METAP1D: variants seen among roughly 807,000 people sequenced by gnomAD.
METAP1D encodes the protein methionyl aminopeptidase type 1D, mitochondrial.
METAP1D carries 31 observed loss-of-function variants against 40.5 expected under a neutral mutation model. That is an observed-to-expected ratio of 0.77 (90% confidence interval 0.58 to 1.03). The LOEUF is 1.03. Ranked by LOEUF, METAP1D falls within the 50% of genes least tolerant of loss-of-function variation. The probability of loss-of-function intolerance (pLI) is 0.00; values close to 1 mark genes in which losing one functional copy is unlikely to be tolerated. For synonymous variants in METAP1D, 151 were observed against 146.4 expected (o/e 1.03, Z -0.22); for missense variants, 411 against 420.7 (o/e 0.98, Z 0.20).
At chr2:172,035,366 G>A (rs1489256719) in intron 1 of METAP1D, among the ~76,000 whole-genome samples, 1 of 151,976 alleles carries the variant, frequency 6.6e-6, no homozygotes, top group East Asian at 1.9e-4. Flanking sequence ...GGGTTTCACC[G>A]TATTAGCCAG....
chr2:172,033,712 A>G (rs1689296265), intron 1 of METAP1D, among the ~76,000 whole-genome samples: 1 of 152,128 alleles, frequency 6.6e-6, no homozygotes, highest in Admixed American at 6.6e-5. Flanking sequence ...AAAGGCTGAT[A>G]AAATATTTGA....
chr2:172,007,038 T>C (rs539208961), intron 1 of METAP1D, among the ~76,000 whole-genome samples: 1 of 152,328 alleles, frequency 6.6e-6, no homozygotes, highest in Non-Finnish European at 1.5e-5. Flanking sequence ...CATACATATT[T>C]ATAACAGCTT....
At position 172,035,506 on chromosome 2, in the gene METAP1D, C is replaced by T. The variant is rs1226298390; in HGVS notation, c.41-25992C>T. On this transcript the variant is annotated intron_variant, in intron 1 of 9. Transcript: ENST00000315796. The stretch of plus-strand genomic sequence containing the variant: ...AGAAAAATCAGAATATCACCAGCAC[C>T]TCAGAAAACCTCTGCATGCTTCTTC... Among the ~76,000 whole-genome samples the T allele has an allele frequency of 3.3e-5, 5 of 152,072 alleles. No homozygotes were observed. In the South Asian group the frequency reaches 1.0e-3, roughly 32 times the overall value.
intron 1 of METAP1D, among the ~76,000 whole-genome samples, chr2:172,045,699 A>ATGTGTGTG (rs796722451): frequency 0.19 from 15,909 of 81,988 alleles, 2,045 homozygotes; most frequent in Non-Finnish European, 0.23. Flanking sequence ...ATTCATATAT[A>ATGTGTGTG]TGTGTGTGTG....
intron 1 of METAP1D, among the ~76,000 whole-genome samples, chr2:172,012,548 C>T (rs773553693): frequency 1.3e-5 from 2 of 152,150 alleles, no homozygotes; most frequent in East Asian, 1.9e-4. Flanking sequence ...TCTAACTTAA[C>T]GGAAGGAGAT....
At chr2:172,032,917 A>G (rs1020545581) in intron 1 of METAP1D, among the ~76,000 whole-genome samples, 2 of 151,944 alleles carry the variant, frequency 1.3e-5, no homozygotes, top group African/African-American at 4.8e-5. Context: ...AAATTAGCTG[A>G]GCCTGGTGGC....
In METAP1D at chr2:172,077,787, A is replaced by T. The variant is rs1458158011; in HGVS notation, c.705-10A>T. ...TAATTTAATTAAATATTTTTTGGTC[A>T]CTTTTAAAGCCACATAACTCATCAG... On this transcript the variant is annotated splice_polypyrimidine_tract_variant and intron_variant, in intron 6 of 9. Coordinates refer to ENST00000315796, the MANE Select transcript of METAP1D (RefSeq NM_199227.3). 4 of 1,471,110 alleles carry T rather than the reference A, an allele frequency of 2.7e-6. No individual in the cohort carries two copies. The highest frequency in any genetic ancestry group is 4.1e-5 in the Admixed American group (2 of 48,702). 91.1% of individuals were successfully genotyped at this position (1,471,110 alleles called of 1,614,324 possible). A position where few individuals can be genotyped will look rare whatever the true frequency, so the allele number is the denominator to read the frequency against.
chr2:172,061,608 A>C lies in METAP1D; in HGVS notation c.151A>C (p.Ser51Arg). ...FFRRQRDISH[S>R]IVLPAAVSSA... ...TCGGAGACAAAGAGATATTTCACAC[A>C]GTATAGTTTTGCCGGCTGCAGTTTC... The change falls in exon 2 of 10, where the codon AGT becomes CGT. Residue 51 changes from serine (S) to arginine (R), a missense_variant. By Grantham distance (110) the Ser-to-Arg change is moderately radical (BLOSUM62 -1). Coordinates refer to ENST00000315796, the MANE Select transcript of METAP1D (RefSeq NM_199227.3). 6.2e-7 allele frequency: 1 copy of C among 1,613,732 alleles called. No individual in the cohort carries two copies. The highest frequency in any genetic ancestry group is 8.5e-7 in the Non-Finnish European group (1 of 1,179,852).
Position 172,065,660 on chromosome 2 carries a change from T to C in METAP1D, c.405T>C (p.His135=). 6.2e-7 allele frequency: 1 copy of C among 1,614,008 alleles called. No homozygotes were observed. The change falls in exon 4 of 10, where the codon CAT becomes CAC. Residue 135 remains histidine (H), a synonymous_variant. Transcript: ENST00000315796. Reference sequence around the variant, plus strand: ...TTGTTCATCGGGAAATCATCAGTCATAATGCCTATCCCTCACCTCTAGGCT... The same window carrying C: ...TTGTTCATCGGGAAATCATCAGTCACAATGCCTATCCCTCACCTCTAGGCT... ...DALVHREIIS[H]NAYPSPLGYG...
intron 1 of METAP1D, among the ~76,000 whole-genome samples, chr2:172,030,319 C>T (rs147214071): frequency 0.011 from 1,708 of 151,936 alleles, 38 homozygotes; most frequent in African/African-American, 0.039. Flanking sequence ...CTCGAACTCC[C>T]GATCTCAGGT....
At position 172,080,113 on chromosome 2, in the gene METAP1D, T is replaced by C; in HGVS notation, c.851-15T>C. 6.2e-7 allele frequency: 1 copy of C among 1,608,356 alleles called. No individual in the cohort carries two copies. Among genetic ancestry groups the C allele is most frequent in the Non-Finnish European group, 8.5e-7 (1 of 1,175,544 alleles). On this transcript the variant is annotated splice_polypyrimidine_tract_variant and intron_variant, in intron 8 of 9. Transcript: ENST00000315796. ...TCTGATGAGGTCACTGCAGTAAATA[T>C]TTTTCCTCTTACAGAGCCAATCATC... is the stretch of plus-strand genomic sequence containing the variant.
At chr2:172,044,404 C>CAAAAA (rs782088377) in intron 1 of METAP1D, among the ~76,000 whole-genome samples, 3 of 69,180 alleles carry the variant, frequency 4.3e-5, no homozygotes, top group East Asian at 3.2e-4. Flanking sequence ...CTTAAAAATA[C>CAAAAA]AAAAAAAAAA....
At chr2:172,065,030 T>C (rs1233091955) in intron 3 of METAP1D, among the ~76,000 whole-genome samples, 1 of 152,216 alleles carries the variant, frequency 6.6e-6, no homozygotes, top group African/African-American at 2.4e-5. Flanking sequence ...AAAAATTACA[T>C]TTATTTAGAC....
At chr2:172,006,256 T>C (rs1049731779) in intron 1 of METAP1D, among the ~76,000 whole-genome samples, 2 of 151,652 alleles carry the variant, frequency 1.3e-5, no homozygotes, top group Non-Finnish European at 2.9e-5. Flanking sequence ...GGATCTCGGC[T>C]CACTGCAAGC....
intron 1 of METAP1D, among the ~76,000 whole-genome samples, chr2:172,004,934 T>C (rs1278772083): frequency 6.6e-6 from 1 of 151,990 alleles, no homozygotes; most frequent in Non-Finnish European, 1.5e-5. Flanking sequence ...TTCCTTCCTT[T>C]TTTTTTTCTT....
intron 1 of METAP1D, among the ~76,000 whole-genome samples, chr2:172,041,907 T>A (rs1284490008): frequency 1.7e-5 from 2 of 118,750 alleles, no homozygotes; most frequent in African/African-American, 5.5e-5. Flanking sequence ...TTCAAGCAAT[T>A]CTCCTGCCTC....
intron 1 of METAP1D, among the ~76,000 whole-genome samples, chr2:172,045,828 T>TAC (rs1689749008): frequency 3.0e-5 from 2 of 65,666 alleles, no homozygotes; most frequent in Admixed American, 1.6e-4. Context: ...TGTATATATA[T>TAC]ATATATATAT....
At chr2:172,014,805 A>G (rs1294245053) in intron 1 of METAP1D, among the ~76,000 whole-genome samples, 1 of 152,018 alleles carries the variant, frequency 6.6e-6, no homozygotes, top group Non-Finnish European at 1.5e-5. Flanking sequence ...GGCGCCCGCC[A>G]GCACACCCGG....
At chr2:172,065,880 T>G (rs757618337) in intron 4 of METAP1D, 128 bp downstream of exon 4, 64 of 1,028,230 alleles carry the variant, frequency 6.2e-5, no homozygotes, top group Admixed American at 1.5e-4. Context: ...TTGATTATGA[T>G]AAAACAGAAA....
Sources: allele counts gnomAD v4.1 joint callset (sites outside exome capture counted in the v4.1 genomes callset), GRCh38; gene constraint gnomAD v4.1.1; transcripts MANE v1.5; gene names NCBI Gene and HGNC (gene_info 2026-07-23, HGNC 2026-07-21).